GRIK4: variants seen among roughly 807,000 people sequenced by gnomAD.
GRIK4 encodes glutamate ionotropic receptor kainate type subunit 4.
A neutral mutation model predicts 104.9 loss-of-function variants in GRIK4; 40 were observed. The observed-to-expected ratio is 0.38, with a 90% CI of 0.30 to 0.50. GRIK4 has a LOEUF of 0.50. GRIK4 is among the 20% of genes least tolerant of loss of function. The probability of loss-of-function intolerance (pLI) is 0.93; values close to 1 mark genes in which losing one functional copy is unlikely to be tolerated. For synonymous variants in GRIK4, 485 were observed against 524.9 expected (o/e 0.92, Z 1.04); for missense variants, 1,047 against 1,308.1 (o/e 0.80, Z 3.08).
intron 1 of GRIK4, among the ~76,000 whole-genome samples, chr11:120,572,267 G>T (rs554797043): frequency 4.6e-5 from 7 of 152,130 alleles, no homozygotes; most frequent in African/African-American, 1.2e-4. Context: ...CGTCACCTTG[G>T]GGGGTAAGAC....
intron 13 of GRIK4, among the ~76,000 whole-genome samples, chr11:120,911,800 T>A (rs1943003818): frequency 6.9e-6 from 1 of 144,256 alleles, no homozygotes; most frequent in South Asian, 2.2e-4. Context: ...CGAGATCGTG[T>A]GCCATTGCAT....
rs561990916 is a variant in GRIK4, at chr11:120,936,254, G to A, written c.1477-4093G>A. On this transcript the variant is annotated intron_variant, in intron 13 of 20. Transcript: ENST00000527524. ...ATATGGCCGCTAGTCATCTGCCGCC[G>A]TGTTAGTCCACATCTTCCAGCTCCT... 2.1e-4 allele frequency: 103 copies of A among 494,688 alleles called. 2 individuals are homozygous for A. Among genetic ancestry groups the A allele is most frequent in the South Asian group, 9.5e-4 (63 of 66,564 alleles). The allele number at this position is 494,688 out of a possible 1,614,324, so 30.6% of individuals were successfully genotyped here.
chr11:120,595,733 G>A (rs1212250144), intron 1 of GRIK4, among the ~76,000 whole-genome samples: 1 of 152,210 alleles, frequency 6.6e-6, no homozygotes, highest in Non-Finnish European at 1.5e-5. Flanking sequence ...TCTCAGCTGA[G>A]CTTCCACTTC....
At chr11:120,907,002 C>T (rs1405107425) in intron 13 of GRIK4, among the ~76,000 whole-genome samples, 1 of 152,092 alleles carries the variant, frequency 6.6e-6, no homozygotes, top group Non-Finnish European at 1.5e-5. Context: ...GATGGCAGGG[C>T]GAAGGCTTCA....
chr11:120,715,360 A>G (rs1950810160), intron 3 of GRIK4, among the ~76,000 whole-genome samples: 1 of 152,214 alleles, frequency 6.6e-6, no homozygotes, highest in South Asian at 2.1e-4. Context: ...CTGTTTGAGC[A>G]TCCGTTGTCG....
chr11:120,624,433 G>C (rs912054702), intron 1 of GRIK4, among the ~76,000 whole-genome samples: 1 of 152,042 alleles, frequency 6.6e-6, no homozygotes, highest in African/African-American at 2.4e-5. Context: ...TTTCTTTGGT[G>C]GCTATCCCAT....
chr11:120,675,373 G>C lies in GRIK4; in HGVS notation c.82+14973G>C. On this transcript the variant is annotated intron_variant, in intron 3 of 20. Coordinates refer to ENST00000527524, the MANE Select transcript of GRIK4 (RefSeq NM_014619.5). The stretch of plus-strand genomic sequence containing the variant: ...AGTCTTCATAGCCTAGTCTGGCCTG[G>C]ATCCAAAATTTGTGTGCCTGAATCC... Among the ~76,000 whole-genome samples the C allele has an allele frequency of 1.3e-5, 2 of 152,104 alleles. 1 individual carries two copies.
At position 120,844,674 on chromosome 11, in the gene GRIK4, C is replaced by T. The variant is rs182596940; in HGVS notation, c.744+7830C>T. Among the ~76,000 whole-genome samples, 518 of 152,254 alleles carry T rather than the reference C, an allele frequency of 3.4e-3. 1 individual carries two copies. Among genetic ancestry groups the T allele is most frequent in the Non-Finnish European group, 5.4e-3 (365 of 68,018 alleles). On this transcript the variant is annotated intron_variant, in intron 8 of 20. Coordinates refer to ENST00000527524, the MANE Select transcript of GRIK4 (RefSeq NM_014619.5). ...GAGAGCTGGGCCCTATTCCCTGTTC[C>T]GCAGGACCCCCGGTACTTGCTTAGC... is the stretch of plus-strand genomic sequence containing the variant.
chr11:120,964,649 G>C (rs1944352034), intron 18 of GRIK4, among the ~76,000 whole-genome samples: 3 of 152,168 alleles, frequency 2.0e-5, no homozygotes, highest in African/African-American at 7.2e-5. Context: ...TGGAGAGTTG[G>C]GGTAAGATAG....
At chr11:120,609,696 T>G (rs990511246) in intron 1 of GRIK4, among the ~76,000 whole-genome samples, 35 of 151,946 alleles carry the variant, frequency 2.3e-4, no homozygotes, top group Admixed American at 1.1e-3. Flanking sequence ...GTATTTTTAG[T>G]ACAGATGCGG....
chr11:120,618,990 C>T (rs1949149856), intron 1 of GRIK4, among the ~76,000 whole-genome samples: 1 of 152,178 alleles, frequency 6.6e-6, no homozygotes, highest in Non-Finnish European at 1.5e-5. Flanking sequence ...GGTCACCATC[C>T]TCCACACCCC....
chr11:120,569,284 C>T (rs1276141296), intron 1 of GRIK4, among the ~76,000 whole-genome samples: 1 of 152,230 alleles, frequency 6.6e-6, no homozygotes, highest in Middle Eastern at 3.2e-3. Flanking sequence ...TGGTCCCCAC[C>T]ACTCAAGGAT....
chr11:120,744,648 T>C (rs1378246561), intron 3 of GRIK4, among the ~76,000 whole-genome samples: 1 of 151,830 alleles, frequency 6.6e-6, no homozygotes, highest in Non-Finnish European at 1.5e-5. Context: ...GGGTAGAAAG[T>C]GTGGGGCAGT....
At chr11:120,658,908 C>T (rs1364814284) in intron 2 of GRIK4, among the ~76,000 whole-genome samples, 3 of 151,962 alleles carry the variant, frequency 2.0e-5, no homozygotes, top group African/African-American at 7.2e-5. Context: ...GCCACCACAC[C>T]TGGCTAATTT....
intron 4 of GRIK4, among the ~76,000 whole-genome samples, chr11:120,812,007 G>T (rs1952839084): frequency 1.3e-5 from 2 of 152,134 alleles, no homozygotes; most frequent in Admixed American, 1.3e-4. Flanking sequence ...CTACGTTTTA[G>T]GACTATAATT....
chr11:120,974,420 G>T (rs928254139), intron 19 of GRIK4, among the ~76,000 whole-genome samples: 1 of 152,218 alleles, frequency 6.6e-6, no homozygotes, highest in South Asian at 2.1e-4. Flanking sequence ...GGAACTATGA[G>T]TGGGTCTGTT....
At chr11:120,720,142 G>A (rs949593221) in intron 3 of GRIK4, among the ~76,000 whole-genome samples, 2 of 152,140 alleles carry the variant, frequency 1.3e-5, no homozygotes, top group African/African-American at 4.8e-5. Flanking sequence ...TGTGTGTGTT[G>A]TGGGGGGAGG....
chr11:120,591,686 TCTCTTTGTC>T (rs1948735439), intron 1 of GRIK4, among the ~76,000 whole-genome samples: 1 of 152,188 alleles, frequency 6.6e-6, no homozygotes, highest in Non-Finnish European at 1.5e-5. Context: ...TTTTCCTCTG[TCTCTTTGTC>T]CTAGACAGCT....
At chr11:120,911,981 T>C (rs1158250462) in intron 13 of GRIK4, among the ~76,000 whole-genome samples, 1 of 152,224 alleles carries the variant, frequency 6.6e-6, no homozygotes, top group African/African-American at 2.4e-5. Context: ...CTAACACTTC[T>C]GTATCATGCC....
Sources: allele counts gnomAD v4.1 joint callset (sites outside exome capture counted in the v4.1 genomes callset), GRCh38; gene constraint gnomAD v4.1.1; transcripts MANE v1.5; gene names NCBI Gene and HGNC (gene_info 2026-07-23, HGNC 2026-07-21).